PPP1R9A: variants seen among roughly 807,000 people sequenced by gnomAD.
PPP1R9A encodes the protein neurabin-1.
PPP1R9A carries 59 observed loss-of-function variants against 141.9 expected under a neutral mutation model. The observed-to-expected ratio is 0.42, with a 90% confidence interval of 0.34 to 0.52. The LOEUF is 0.52. Ranked by LOEUF, PPP1R9A falls within the 20% of genes least tolerant of loss-of-function variation. PPP1R9A has a pLI of 0.10. For synonymous variants in PPP1R9A, 500 were observed against 569.7 expected (o/e 0.88, Z 1.74); for missense variants, 1,444 against 1,611.9 (o/e 0.90, Z 1.78).
At chr7:95,159,767 CA>C (rs955823499) in intron 4 of PPP1R9A, among the ~76,000 whole-genome samples, 1,570 of 151,408 alleles carry the variant, frequency 0.01, 25 homozygotes, top group African/African-American at 0.037. Context: ...ACTAAAAATA[CA>C]AAAAAACATT....
intron 5 of PPP1R9A, among the ~76,000 whole-genome samples, chr7:95,169,286 C>G (rs926343470): frequency 6.6e-6 from 1 of 151,806 alleles, no homozygotes; most frequent in Non-Finnish European, 1.5e-5. Flanking sequence ...AAGCCAGACA[C>G]AGAGAGACAA....
At chr7:95,184,820 G>A (rs546020568) in intron 5 of PPP1R9A, among the ~76,000 whole-genome samples, 114 of 151,936 alleles carry the variant, frequency 7.5e-4, no homozygotes, top group African/African-American at 2.5e-3. Flanking sequence ...TAGCTCAGTA[G>A]TATTCCATGC....
At chr7:95,258,328 T>C (rs984157330) in intron 12 of PPP1R9A, among the ~76,000 whole-genome samples, 1 of 152,208 alleles carries the variant, frequency 6.6e-6, no homozygotes, top group Non-Finnish European at 1.5e-5. Context: ...TTGAGAAGTG[T>C]CTGTTCATAT....
chr7:95,070,670 A>G (rs1471858390), intron 2 of PPP1R9A, among the ~76,000 whole-genome samples: 1 of 146,382 alleles, frequency 6.8e-6, no homozygotes, highest in Non-Finnish European at 1.5e-5. Flanking sequence ...TTTTGTCAGA[A>G]TTCATGTACT....
chr7:95,180,952 G>GA (rs1047349821), intron 5 of PPP1R9A, among the ~76,000 whole-genome samples: 1 of 151,648 alleles, frequency 6.6e-6, no homozygotes. Context: ...AACCACTATG[G>GA]AAAACAGTGT....
At chr7:94,995,047 C>G (rs915028051) in intron 2 of PPP1R9A, among the ~76,000 whole-genome samples, 1 of 152,034 alleles carries the variant, frequency 6.6e-6, no homozygotes, top group Non-Finnish European at 1.5e-5. Context: ...ATTCTTCCAG[C>G]TTTTATGTAT....
Position 95,111,312 on chromosome 7 carries a change from C to T in PPP1R9A, c.1449C>T (p.Asp483=). 3.1e-6 allele frequency: 5 copies of T among 1,612,722 alleles called. No individual in the cohort carries two copies. Among genetic ancestry groups the T allele is most frequent in the Non-Finnish European group, 4.2e-6 (5 of 1,179,142 alleles). The change falls in exon 3 of 20, where the codon GAC becomes GAT. Residue 483 remains aspartate (D), a synonymous_variant. Coordinates refer to ENST00000433360, the MANE Select transcript of PPP1R9A (RefSeq NM_001166160.2). ...EDYDRRNDEV[D]PVAASAEYEL... ...ATGACAGGAGAAATGACGAAGTTGACCCTGTGGCTGCTTCAGCTGAGTATG... is the reference window on the plus strand; with the variant it reads ...ATGACAGGAGAAATGACGAAGTTGATCCTGTGGCTGCTTCAGCTGAGTATG...
chr7:95,192,051 ATT>A (rs1362514498), intron 5 of PPP1R9A, among the ~76,000 whole-genome samples: 1 of 152,040 alleles, frequency 6.6e-6, no homozygotes, highest in Non-Finnish European at 1.5e-5. Flanking sequence ...GATTATATAG[ATT>A]TATACTTTAA....
Position 95,041,231 on chromosome 7 carries a change from G to A in PPP1R9A, c.1396-70028G>A, listed in dbSNP as rs192914683. 1.6e-3 allele frequency among the ~76,000 whole-genome samples: 240 copies of A among 152,234 alleles called. 4 individuals carry two copies. Among genetic ancestry groups the A allele is most frequent in the Non-Finnish European group, 4.0e-4 (27 of 68,016 alleles). On this transcript the variant is annotated intron_variant, in intron 2 of 19. Coordinates refer to ENST00000433360, the MANE Select transcript of PPP1R9A (RefSeq NM_001166160.2). ...GAGGTTATGACATACATTAGTAGAC[G>A]AATCTCAAAATGCTGATTTCTTCTC...
intron 4 of PPP1R9A, among the ~76,000 whole-genome samples, chr7:95,124,411 C>T (rs534642075): frequency 6.6e-6 from 1 of 152,060 alleles, no homozygotes; most frequent in Admixed American, 6.6e-5. Context: ...CATTCTCTTT[C>T]TTAAAAAACC....
At chr7:95,189,207 A>AC (rs1425287874) in intron 5 of PPP1R9A, among the ~76,000 whole-genome samples, 2 of 151,992 alleles carry the variant, frequency 1.3e-5, no homozygotes, top group African/African-American at 4.8e-5. Flanking sequence ...CCTTTAGGTT[A>AC]CCGCTTGCTT....
At chr7:95,237,552 TG>T (rs901406995) in intron 8 of PPP1R9A, among the ~76,000 whole-genome samples, 2 of 152,066 alleles carry the variant, frequency 1.3e-5, no homozygotes, top group African/African-American at 4.8e-5. Flanking sequence ...ACATTTTTTC[TG>T]TACTATGGCT....
chr7:94,970,169 A>C (rs181905057), intron 2 of PPP1R9A, among the ~76,000 whole-genome samples: 23 of 152,238 alleles, frequency 1.5e-4, no homozygotes, highest in African/African-American at 5.3e-4. Context: ...TCTGTCTCAC[A>C]GGCATTCCAG....
chr7:94,941,847 A>G (rs1174004154), intron 2 of PPP1R9A, among the ~76,000 whole-genome samples: 1 of 152,144 alleles, frequency 6.6e-6, no homozygotes, highest in African/African-American at 2.4e-5. Context: ...AAAAAAAATC[A>G]TTGAATTTTT....
At chr7:94,937,051 C>T (rs10281737) in intron 2 of PPP1R9A, among the ~76,000 whole-genome samples, 63,169 of 151,844 alleles carry the variant, frequency 0.42, 13,959 homozygotes, top group South Asian at 0.58. Flanking sequence ...TTAATAGCTC[C>T]GTAGTATAAA....
chr7:95,068,473 G>GAAAAAAAAAAAAAAAAAAAAAA (rs36043693), intron 2 of PPP1R9A, among the ~76,000 whole-genome samples: 1 of 94,188 alleles, frequency 1.1e-5, no homozygotes, highest in Non-Finnish European at 1.9e-5. Flanking sequence ...CTTGTCTCAA[G>GAAAAAAAAAAAAAAAAAAAAAA]AAAAAAAAAA....
intron 2 of PPP1R9A, among the ~76,000 whole-genome samples, chr7:95,089,398 A>C (rs762858442): frequency 2.8e-4 from 42 of 152,210 alleles, no homozygotes; most frequent in Admixed American, 1.2e-3. Flanking sequence ...AGGTAGATAT[A>C]TCAAGAATAC....
rs1231264465 is a variant in PPP1R9A at position 95,162,011 on chromosome 7, T to G, written c.1754+40T>G. On this transcript the variant is annotated intron_variant, in intron 5 of 19. Transcript: ENST00000433360. The stretch of plus-strand genomic sequence containing the variant: ...TCTAATATACACCATGTTGTTACTT[T>G]AGTTGAATTTTAATTTTCTATAGTT... 3.1e-6 allele frequency: 4 copies of G among 1,277,008 alleles called. No individual in the cohort carries two copies. The African/African-American group carries it at 6.0e-5, about 19-fold the overall frequency. 79.1% of individuals were successfully genotyped at this position (1,277,008 alleles called of 1,614,324 possible).
intron 8 of PPP1R9A, among the ~76,000 whole-genome samples, chr7:95,243,051 A>G (rs1797674813): frequency 6.6e-6 from 1 of 152,152 alleles, no homozygotes; most frequent in Admixed American, 6.5e-5. Context: ...TTTACCAACT[A>G]TGCTTCATTT....
Sources: allele counts gnomAD v4.1 joint callset (sites outside exome capture counted in the v4.1 genomes callset), GRCh38; gene constraint gnomAD v4.1.1; transcripts MANE v1.5; gene names NCBI Gene and HGNC (gene_info 2026-07-23, HGNC 2026-07-21).